C1QTNF2: variants seen among roughly 807,000 people sequenced by gnomAD.
C1QTNF2 encodes C1q and TNF related 2, also known as complement C1q tumor necrosis factor-related protein 2.
C1QTNF2 carries 15 observed loss-of-function variants against 17.4 expected under a neutral mutation model. That is an observed-to-expected ratio of 0.86 (90% confidence interval 0.58 to 1.33). The LOEUF is 1.33. Among genes scored for constraint, C1QTNF2 ranks in the 40% most tolerant of loss-of-function variants. The pLI is 0.00. For synonymous variants in C1QTNF2, 154 were observed against 163.3 expected (o/e 0.94, Z 0.44); for missense variants, 381 against 392.3 (o/e 0.97, Z 0.24).
chr5:160,363,082 C>T (rs1215095790), intron 1 of C1QTNF2, among the ~76,000 whole-genome samples: 2 of 152,200 alleles, frequency 1.3e-5, no homozygotes, highest in Admixed American at 6.5e-5. Flanking sequence ...CCAAATCTCA[C>T]CCAGCAGGGC....
At chr5:160,351,002 G>A (rs888889086) in intron 2 of C1QTNF2, among the ~76,000 whole-genome samples, 8 of 152,072 alleles carry the variant, frequency 5.3e-5, no homozygotes, top group Admixed American at 2.6e-4. Flanking sequence ...TGCCCACCTC[G>A]GCCTCCCAAA....
At chr5:160,355,955 G>C (rs368907254) in intron 1 of C1QTNF2, among the ~76,000 whole-genome samples, 1 of 152,136 alleles carries the variant, frequency 6.6e-6, no homozygotes, top group Admixed American at 6.5e-5. Flanking sequence ...GCTAAGGTTT[G>C]AACCAGGCTG....
At chr5:160,354,615 T>G (rs1237994580) in intron 2 of C1QTNF2, among the ~76,000 whole-genome samples, 153 bp downstream of exon 2, 1 of 137,192 alleles carries the variant, frequency 7.3e-6, no homozygotes, top group Non-Finnish European at 1.5e-5. Context: ...TATATATATA[T>G]ATATATATAT....
At position 160,349,232 on chromosome 5, in the gene C1QTNF2, C is replaced by T; in HGVS notation, c.794G>A (p.Trp265Ter). The T allele has an allele frequency of 1.9e-6, 3 of 1,614,134 alleles. No individual in the cohort carries two copies. The highest frequency in any genetic ancestry group is 2.5e-6 in the Non-Finnish European group (3 of 1,180,032). ...GAAGCCCGTAAAGAGGCTGTCTGTC[C>T]AGTAAGGGTCATAGAAGAGCCCGTT... is the stretch of plus-strand genomic sequence containing the variant. ...EQNGLFYDPYWTDSLFTGFLI... is the reference protein window; with the variant it reads ...EQNGLFYDPY Residue 265 changes from tryptophan to a stop codon, truncating the protein, a stop_gained, in exon 3 of 3, where the codon TGG becomes TAG. Transcript: ENST00000652664. LOFTEE classifies it high-confidence loss of function. The surrounding 1 kb of genome is among the most constrained non-coding windows in gnomAD (Gnocchi z 4.3).
At chr5:160,355,813 T>A (rs1449397404) in intron 1 of C1QTNF2, among the ~76,000 whole-genome samples, 1 of 152,152 alleles carries the variant, frequency 6.6e-6, no homozygotes, top group East Asian at 1.9e-4. Context: ...TCTTGCGATT[T>A]TTTTTTAAGC....
At position 160,349,879 on chromosome 5, in the gene C1QTNF2, T is replaced by C; in HGVS notation, c.245-98A>G. On this transcript the variant is annotated intron_variant, in intron 2 of 2. Transcript: ENST00000652664. This position sits in a 1 kb window ranked among gnomAD's most constrained non-coding sequence, Gnocchi z 4.3. ...CTTCCAATCTTGGAGAAGGAGTGCT[T>C]GGGTAATAGAAAGAACAAGAAGGCT... 7.3e-7 allele frequency: 1 copy of C among 1,373,676 alleles called. No homozygotes were observed. The highest frequency in any genetic ancestry group is 1.5e-5 in the South Asian group (1 of 65,870). The allele number at this position is 1,373,676 out of a possible 1,614,324, so 85.1% of individuals were successfully genotyped here.
intron 1 of C1QTNF2, among the ~76,000 whole-genome samples, chr5:160,360,796 CTTT>C (rs5872641): frequency 4.4e-5 from 6 of 136,442 alleles, no homozygotes; most frequent in African/African-American, 5.4e-5. Context: ...TGGATGAGTT[CTTT>C]TTTTTTTTTT....
At chr5:160,358,294 C>T (rs1323073935) in intron 1 of C1QTNF2, among the ~76,000 whole-genome samples, 2 of 152,136 alleles carry the variant, frequency 1.3e-5, no homozygotes, top group African/African-American at 4.8e-5. Context: ...CTCCACAACA[C>T]CTCCAAGAAA....
chr5:160,349,876 G>T lies in C1QTNF2; in HGVS notation c.245-95C>A. 2 of 1,390,458 alleles carry T rather than the reference G, an allele frequency of 1.4e-6. No individual in the cohort carries two copies. Among genetic ancestry groups the T allele is most frequent in the Non-Finnish European group, 1.9e-6 (2 of 1,049,960 alleles). The allele number at this position is 1,390,458 out of a possible 1,614,324, so 86.1% of individuals were successfully genotyped here. ...GGTCTTCCAATCTTGGAGAAGGAGT[G>T]CTTGGGTAATAGAAAGAACAAGAAG... On this transcript the variant is annotated intron_variant, in intron 2 of 2. Transcript: ENST00000652664. This position sits in a 1 kb window ranked among gnomAD's most constrained non-coding sequence, Gnocchi z 4.3.
chr5:160,363,196 C>T (rs1475167030), intron 1 of C1QTNF2, among the ~76,000 whole-genome samples: 1 of 152,216 alleles, frequency 6.6e-6, no homozygotes, highest in Non-Finnish European at 1.5e-5. Context: ...ATAAAAAACA[C>T]TCCACGCCCT....
In C1QTNF2 at chr5:160,349,811, G is replaced by A; in HGVS notation, c.245-30C>T. On this transcript the variant is annotated intron_variant, in intron 2 of 2. Coordinates refer to ENST00000652664, the MANE Select transcript of C1QTNF2 (RefSeq NM_031908.6). The surrounding 1 kb of genome is among the most constrained non-coding windows in gnomAD (Gnocchi z 4.3). The stretch of plus-strand genomic sequence containing the variant: ...AAGACAGAGCAGCTGGTGTTATGGA[G>A]GGTCCTCACAGACCTAGGCAGAGGG... 6.6e-7 allele frequency: 1 copy of A among 1,510,030 alleles called. No individual in the cohort carries two copies. Among genetic ancestry groups the A allele is most frequent in the Non-Finnish European group, 8.8e-7 (1 of 1,140,182 alleles). 93.5% of individuals were successfully genotyped at this position (1,510,030 alleles called of 1,614,324 possible). A position where few individuals can be genotyped will look rare whatever the true frequency, so the allele number is the denominator to read the frequency against.
intron 1 of C1QTNF2, among the ~76,000 whole-genome samples, chr5:160,361,292 C>T (rs142932130): frequency 0.011 from 1,627 of 152,308 alleles, 14 homozygotes; most frequent in Non-Finnish European, 0.017. Flanking sequence ...CCCAAGGGCC[C>T]TCTGCCCAGA....
rs1476097356 is a variant in C1QTNF2 at position 160,354,932 on chromosome 5, A to G, written c.80T>C (p.Phe27Ser). Reference sequence around the variant, plus strand: ...GACCAGTTGAGGGGAGCCTTTCCGGAAGTCCCTGCGAGCAAAGGCGCCAAG... The same window carrying G: ...GACCAGTTGAGGGGAGCCTTTCCGGGAGTCCCTGCGAGCAAAGGCGCCAAG... ...PLLGAFARRD[F>S]RKGSPQLVCS... The change falls in exon 2 of 3, where the codon TTC (phenylalanine) becomes TCC (serine). Residue 27 changes from phenylalanine to serine, a missense_variant. Physicochemically the swap from Phe to Ser is radical, Grantham distance 155. Coordinates refer to ENST00000652664, the MANE Select transcript of C1QTNF2 (RefSeq NM_031908.6). The G allele has an allele frequency of 6.3e-7, 1 of 1,598,588 alleles. No individual in the cohort carries two copies. The highest frequency in any genetic ancestry group is 2.3e-5 in the East Asian group (1 of 44,322).
chr5:160,351,910 C>CTTT (rs749184955), intron 2 of C1QTNF2, among the ~76,000 whole-genome samples: 2 of 136,088 alleles, frequency 1.5e-5, no homozygotes, highest in East Asian at 4.2e-4. Context: ...GAGACAGAAT[C>CTTT]TTTTTTTTTT....
At chr5:160,361,025 A>C (rs955570673) in intron 1 of C1QTNF2, among the ~76,000 whole-genome samples, 2 of 151,898 alleles carry the variant, frequency 1.3e-5, no homozygotes, top group Non-Finnish European at 2.9e-5. Flanking sequence ...CGAACTCCTG[A>C]CCTCGTTATC....
rs571855444 is a variant in C1QTNF2, at chr5:160,359,894, C to T, written c.-9-4874G>A. Among the ~76,000 whole-genome samples, 5 of 152,314 alleles carry T rather than the reference C, an allele frequency of 3.3e-5. No homozygotes were observed. The South Asian group carries it at 1.0e-3, about 32-fold the overall frequency. On this transcript the variant is annotated intron_variant, in intron 1 of 2. Coordinates refer to ENST00000652664, the MANE Select transcript of C1QTNF2 (RefSeq NM_031908.6). ...ATGCCCCAGTTGAGCTGGCTCTAGC[C>T]CCTGCCCCAGCCTCAGCTCCTCCCT...
Position 160,349,791 on chromosome 5 carries a change from A to T in C1QTNF2, c.245-10T>A. The T allele has an allele frequency of 1.3e-6, 2 of 1,516,302 alleles. No individual in the cohort carries two copies. The highest frequency in any genetic ancestry group is 1.7e-6 in the Non-Finnish European group (2 of 1,143,496). The allele number at this position is 1,516,302 out of a possible 1,614,324, so 93.9% of individuals were successfully genotyped here. A position where few individuals can be genotyped will look rare whatever the true frequency, so the allele number is the denominator to read the frequency against. On this transcript the variant is annotated splice_polypyrimidine_tract_variant and intron_variant, in intron 2 of 2. Transcript: ENST00000652664. This position sits in a 1 kb window ranked among gnomAD's most constrained non-coding sequence, Gnocchi z 4.3. ...GTCCGGCCAGGTGGACCTGGAAGAC[A>T]GAGCAGCTGGTGTTATGGAGGGTCC...
Position 160,349,845 on chromosome 5 carries a change from C to A in C1QTNF2, c.245-64G>T, listed in dbSNP as rs762523013. 6.7e-7 allele frequency: 1 copy of A among 1,483,960 alleles called. No homozygotes were observed. The highest frequency in any genetic ancestry group is 8.9e-7 in the Non-Finnish European group (1 of 1,125,216). 91.9% of individuals were successfully genotyped at this position (1,483,960 alleles called of 1,614,324 possible). ...CAGACCTAGGCAGAGGGGTGCGGTG[C>A]GGCTTGGTCTTCCAATCTTGGAGAA... On this transcript the variant is annotated intron_variant, in intron 2 of 2. Transcript: ENST00000652664. The surrounding 1 kb of genome is among the most constrained non-coding windows in gnomAD (Gnocchi z 4.3).
At chr5:160,370,474 C>T (rs1039296084) in intron 1 of C1QTNF2, 38 bp downstream of exon 1, 2 of 1,397,752 alleles carry the variant, frequency 1.4e-6, no homozygotes, top group Non-Finnish European at 1.8e-6. Flanking sequence ...CCCGCGCGCA[C>T]TTGCCGCCCC....
Sources: allele counts gnomAD v4.1 joint callset (sites outside exome capture counted in the v4.1 genomes callset), GRCh38; gene constraint gnomAD v4.1.1; non-coding constraint Gnocchi (gnomAD v3.1); transcripts MANE v1.5; gene names NCBI Gene and HGNC (gene_info 2026-07-23, HGNC 2026-07-21).